The following RB1CC1 variants were observed in gnomAD, a reference collection of about 807,000 sequenced individuals.
The protein encoded by RB1CC1 is RB1 inducible coiled-coil 1.
A neutral mutation model predicts 177.5 loss-of-function variants in RB1CC1; 46 were observed. The ratio of observed to expected loss-of-function variants is 0.26; its 90% CI spans 0.20 to 0.33. The LOEUF (loss-of-function observed/expected upper bound fraction) is 0.33, where lower values mean the gene tolerates loss of function less well. Ranked by LOEUF, RB1CC1 falls within the 10% of genes least tolerant of loss-of-function variation. The pLI, the probability that RB1CC1 is intolerant of heterozygous loss-of-function variation, is 1.00. For synonymous variants in RB1CC1, 666 were observed against 613.6 expected (o/e 1.09, Z -1.26); for missense variants, 1,703 against 1,816.3 (o/e 0.94, Z 1.13).
chr8:52,645,550 G>T, intron 16 of RB1CC1, 152 bp downstream of exon 16: 2 of 805,792 alleles, frequency 2.5e-6, no homozygotes, highest in Non-Finnish European at 3.6e-6. Context: ...AAAAATACAC[G>T]CTTTTGTCAA....
chr8:52,670,111 T>C (rs1319445415), intron 7 of RB1CC1, among the ~76,000 whole-genome samples: 1 of 152,146 alleles, frequency 6.6e-6, no homozygotes, highest in African/African-American at 2.4e-5. Flanking sequence ...AGCTAATTTT[T>C]TGTAGACATG....
At chr8:52,709,635 G>A (rs1383948851) in intron 1 of RB1CC1, among the ~76,000 whole-genome samples, 1 of 152,206 alleles carries the variant, frequency 6.6e-6, no homozygotes, top group Non-Finnish European at 1.5e-5. Context: ...CCTACTGGGA[G>A]GCTGAAGTGG....
intron 21 of RB1CC1, 110 bp downstream of exon 21, chr8:52,630,360 C>A: frequency 7.6e-7 from 1 of 1,320,046 alleles, no homozygotes. Flanking sequence ...GAGTGCAAAA[C>A]ACTCAGCTCA....
At chr8:52,674,497 G>C (rs976730669) in intron 6 of RB1CC1, among the ~76,000 whole-genome samples, 3 of 152,132 alleles carry the variant, frequency 2.0e-5, no homozygotes, top group Non-Finnish European at 4.4e-5. Context: ...GGCTGGGCGT[G>C]GTGGCTCACA....
At chr8:52,645,661 C>T (rs970076180) in intron 16 of RB1CC1, 41 bp downstream of exon 16, 2 of 1,574,304 alleles carry the variant, frequency 1.3e-6, no homozygotes, top group East Asian at 4.5e-5. Flanking sequence ...TTATGTCTAC[C>T]TTCTTTAGTT....
Position 52,628,157 on chromosome 8 carries a change from C to T in RB1CC1, c.4511G>A (p.Gly1504Glu). 6.2e-7 allele frequency: 1 copy of T among 1,607,960 alleles called. No homozygotes were observed. The highest frequency in any genetic ancestry group is 8.5e-7 in the Non-Finnish European group (1 of 1,176,530). ...GTCTAGGATGATGAGTACCAAATCT[C>T]CCACCTGAAAACTGAATAAAGAAAT... is the stretch of plus-strand genomic sequence containing the variant. ...EKIAIRDFQV[G>E]DLVLIILDER... The change falls in exon 22 of 24, where the codon GGA (glycine) becomes GAA (glutamate). Residue 1504 changes from glycine (G) to glutamate (E), a missense_variant. Physicochemically the swap from Gly to Glu is moderately conservative, Grantham distance 98. Coordinates refer to ENST00000025008, the MANE Select transcript of RB1CC1 (RefSeq NM_014781.5).
At chr8:52,660,778 G>A (rs765906872) in intron 11 of RB1CC1, 121 bp from the exon 12 acceptor site, 7 of 1,109,094 alleles carry the variant, frequency 6.3e-6, no homozygotes, top group African/African-American at 1.6e-5. Flanking sequence ...ATTTAACAAT[G>A]GATTCAATTC....
At chr8:52,711,037 T>C (rs2150731995) in intron 1 of RB1CC1, among the ~76,000 whole-genome samples, 1 of 152,126 alleles carries the variant, frequency 6.6e-6, no homozygotes, top group Admixed American at 6.5e-5. Flanking sequence ...TATTTTTATC[T>C]CCTAGCACAA....
Position 52,645,841 on chromosome 8 carries a change from T to C in RB1CC1, c.3848A>G (p.Asp1283Gly). The C allele has an allele frequency of 1.9e-6, 3 of 1,608,320 alleles. No individual in the cohort carries two copies. Among genetic ancestry groups the C allele is most frequent in the Non-Finnish European group, 1.7e-6 (2 of 1,178,630 alleles). Residue 1283 changes from aspartate to glycine, a missense_variant, in exon 16 of 24, where the codon GAT becomes GGT. This residue lies in a region of RB1CC1 where 1,169 missense variants were observed against 1,184.7 expected (regional missense o/e 0.99). Coordinates refer to ENST00000025008, the MANE Select transcript of RB1CC1 (RefSeq NM_014781.5). ...AAGTTCAGCAACTAAGCTTGAAGAA[T>C]CTCCTCTGGTAGAGTCAATGGCAGG... is the stretch of plus-strand genomic sequence containing the variant. Reference protein sequence around the residue: ...KSPAIDSTRGDSSSLVAELQE... With the variant: ...KSPAIDSTRGGSSSLVAELQE...
intron 20 of RB1CC1, among the ~76,000 whole-genome samples, chr8:52,631,716 T>A (rs1202828908): frequency 6.6e-6 from 1 of 152,180 alleles, no homozygotes; most frequent in African/African-American, 2.4e-5. Flanking sequence ...TATATGCTCG[T>A]CGGGAAAATT....
intron 7 of RB1CC1, among the ~76,000 whole-genome samples, chr8:52,669,254 C>G (rs1852343383): frequency 1.3e-5 from 2 of 152,160 alleles, no homozygotes; most frequent in Non-Finnish European, 2.9e-5. Context: ...CTTCATTGAT[C>G]TGATATCAGA....
At chr8:52,655,034 C>CTCTT (rs1422849930) in intron 15 of RB1CC1, among the ~76,000 whole-genome samples, 1 of 152,136 alleles carries the variant, frequency 6.6e-6, no homozygotes, top group Non-Finnish European at 1.5e-5. Context: ...ATCTCTGATT[C>CTCTT]TCTTTGACAA....
chr8:52,634,871 C>A (rs571400535), intron 20 of RB1CC1, 50 bp downstream of exon 20: 4 of 1,410,494 alleles, frequency 2.8e-6, no homozygotes, highest in Non-Finnish European at 4.0e-6. Context: ...AAATATAATG[C>A]AAATCATTTA....
intron 1 of RB1CC1, among the ~76,000 whole-genome samples, chr8:52,695,457 T>C (rs1855309976): frequency 6.6e-6 from 1 of 152,216 alleles, no homozygotes; most frequent in African/African-American, 2.4e-5. Context: ...TTGTTTGCCT[T>C]AGGGCTTCAG....
chr8:52,652,464 A>G (rs1285481215), intron 15 of RB1CC1, among the ~76,000 whole-genome samples: 1 of 151,432 alleles, frequency 6.6e-6, no homozygotes, highest in African/African-American at 2.4e-5. Flanking sequence ...TGTCTCAAAA[A>G]AAAAAAAAAA....
At chr8:52,635,928 G>A (rs2150391943) in intron 19 of RB1CC1, 87 bp downstream of exon 19, 3 of 1,461,440 alleles carry the variant, frequency 2.1e-6, no homozygotes, top group South Asian at 2.5e-5. Context: ...AACACAAATA[G>A]TCTATTGTAT....
At position 52,709,714 on chromosome 8, in the gene RB1CC1, C is replaced by T. The variant is rs561479993; in HGVS notation, c.-167+4361G>A. On this transcript the variant is annotated intron_variant, in intron 1 of 23. Transcript: ENST00000025008. ...GATCACACCATTGCCTGTCGCCTGC[C>T]TGGGCGACAAAGTAAGACTCTGCCT... 1.7e-4 allele frequency among the ~76,000 whole-genome samples: 26 copies of T among 152,330 alleles called. No homozygotes were observed. In the South Asian group the frequency reaches 5.4e-3, roughly 32 times the overall value.
intron 15 of RB1CC1, 72 bp from the exon 16 acceptor site, chr8:52,645,939 G>A (rs886512885): frequency 2.1e-6 from 3 of 1,413,256 alleles, no homozygotes; most frequent in African/African-American, 1.5e-5. Flanking sequence ...TATCATATTT[G>A]GGAAATTTAT....
Position 52,683,924 on chromosome 8 carries a change from G to C in RB1CC1, c.161C>G (p.Ala54Gly). 3 of 1,614,070 alleles carry C rather than the reference G, an allele frequency of 1.9e-6. No homozygotes were observed. The highest frequency in any genetic ancestry group is 2.5e-6 in the Non-Finnish European group (3 of 1,180,010). ...VLVVNGGECM[A>G]ADRRVCTYSA... ...GTAGGTACACACTCTTCGATCTGCA[G>C]CCATGCATTCTCCTCCATTGACCAC... The change falls in exon 4 of 24, where the codon GCT becomes GGT. Residue 54 changes from alanine to glycine, a missense_variant. Ala to Gly is a moderately conservative substitution (Grantham distance 60). Around this residue, in one of 6 missense-constraint regions of RB1CC1, gnomAD observed 118 missense variants for 121.2 expected, o/e 0.97. Transcript: ENST00000025008.
Sources: gnomAD v4.1 joint callset for allele counts (sites outside exome capture counted in the v4.1 genomes callset) on GRCh38, gnomAD v4.1.1 for gene constraint, gnomAD v4.1.1 regional missense constraint, MANE v1.5 for transcripts, NCBI Gene and HGNC (gene_info 2026-07-23, HGNC 2026-07-21) for gene names.